GNL3L: variants seen among roughly 807,000 people sequenced by gnomAD.
GNL3L encodes guanine nucleotide-binding protein-like 3-like protein.
In GNL3L, 4 loss-of-function variants were observed where a neutral mutation model predicts 42.9. That is an observed-to-expected ratio of 0.09 (90% CI 0.05 to 0.21). GNL3L has a LOEUF of 0.21. GNL3L is among the 10% of genes least tolerant of loss of function. GNL3L has a pLI of 1.00. For missense variants in GNL3L, 412 were observed against 481.7 expected, an observed-to-expected ratio of 0.86 and a Z score of 1.36; for synonymous variants, 159 against 176.3, an observed-to-expected ratio of 0.90 and a Z score of 0.78.
At chrX:54,577,280 G>A (rs1382688514) in intron 16 of GNL3L, among the ~76,000 whole-genome samples, 1 of 111,732 alleles carries the variant, frequency 8.9e-6, no homozygotes, top group African/African-American at 3.2e-5. Flanking sequence ...ATGTATCACC[G>A]TTTTCTACCC....
rs1158123417 is a variant in GNL3L at position 54,565,370 on chromosome X, A to G, written c.*4768A>G. On this transcript the variant is annotated 3_prime_UTR_variant, in exon 16 of 16. Coordinates refer to ENST00000360845, the MANE Select transcript of GNL3L (RefSeq NM_001184819.2). The stretch of plus-strand genomic sequence containing the variant: ...GTAAGCATATGTTTGACATTTTAAG[A>G]AACTTCTAAACTGTTTTTCAAAGTG... Among the ~76,000 whole-genome samples, 1 of 112,447 alleles carries G rather than the reference A, an allele frequency of 8.9e-6. No individual in the cohort carries two copies. Among genetic ancestry groups the G allele is most frequent in the Admixed American group, 9.5e-5 (1 of 10,557 alleles).
chrX:54,576,376 A>AT (rs1246876514), intron 16 of GNL3L, among the ~76,000 whole-genome samples: 1 of 112,046 alleles, frequency 8.9e-6, no homozygotes, highest in Non-Finnish European at 1.9e-5. Context: ...CTGTCAACCC[A>AT]TTTTTTTATC....
At chrX:54,583,574 T>C (rs1324875813) in intron 16 of GNL3L, among the ~76,000 whole-genome samples, 3 of 111,468 alleles carry the variant, frequency 2.7e-5, no homozygotes, top group Non-Finnish European at 5.6e-5. Flanking sequence ...CATTTTGCCC[T>C]ATTTTTTCTA....
At position 54,579,804 on chromosome X, in the gene GNL3L, A is replaced by G. The variant is rs145895270; in HGVS notation, c.*45+19157A>G. Among the ~76,000 whole-genome samples, 966 of 111,326 alleles carry G rather than the reference A, an allele frequency of 8.7e-3. 7 individuals carry two copies. The highest frequency in any genetic ancestry group is 0.03 in the African/African-American group (934 of 30,654). On this transcript the variant is annotated intron_variant, in intron 16 of 16. Transcript: ENST00000674498. ...TCGATTCTCCTGCCTCAGCCTCCCT[A>G]GTAGCTGAGACTACAGGCATGCGCC...
intron 16 of GNL3L, among the ~76,000 whole-genome samples, chrX:54,620,231 A>G (rs1926270852): frequency 9.0e-6 from 1 of 110,722 alleles, no homozygotes; most frequent in Non-Finnish European, 1.9e-5. Flanking sequence ...CATTCTTTCT[A>G]TTTTTATTTT....
Position 54,534,777 on chromosome X carries a change from C to T in GNL3L, c.19+2192C>T, listed in dbSNP as rs138866273. 6.4e-3 allele frequency among the ~76,000 whole-genome samples: 714 copies of T among 111,213 alleles called. 4 individuals carry two copies. The highest frequency in any genetic ancestry group is 0.01 in the Non-Finnish European group (547 of 52,982). ...GAGTGCTGGGAGGGATGACTGACTG[C>T]ACCCCCTTCTCCTTTTTCCCTCCCC... On this transcript the variant is annotated intron_variant, in intron 2 of 15. Transcript: ENST00000360845.
intron 16 of GNL3L, among the ~76,000 whole-genome samples, chrX:54,579,399 ATTAAT>A (rs1234702764): frequency 8.9e-6 from 1 of 111,783 alleles, no homozygotes; most frequent in Admixed American, 9.6e-5. Context: ...AGGTTTTAAA[ATTAAT>A]TTAGTTTAAG....
In GNL3L at chrX:54,564,067, C is replaced by G. The variant is rs1289268324; in HGVS notation, c.*3465C>G. ...GCCCTTTTGTAGTCAACTCCTACCC[C>G]CGACCCTCAGATTCTGCTAACCACT... On this transcript the variant is annotated 3_prime_UTR_variant, in exon 16 of 16. Coordinates refer to ENST00000360845, the MANE Select transcript of GNL3L (RefSeq NM_001184819.2). Among the ~76,000 whole-genome samples, 2 of 110,066 alleles carry G rather than the reference C, an allele frequency of 1.8e-5. No homozygotes were observed. The highest frequency in any genetic ancestry group is 6.6e-5 in the African/African-American group (2 of 30,173).
At chrX:54,559,391 G>A (rs1420210085) in intron 15 of GNL3L, among the ~76,000 whole-genome samples, 1 of 111,511 alleles carries the variant, frequency 9.0e-6, no homozygotes, top group East Asian at 2.8e-4. Context: ...TCTCCCACCC[G>A]CTAGTCATCC....
chrX:54,572,610 A>T (rs1393486595), intron 16 of GNL3L, among the ~76,000 whole-genome samples: 1 of 107,808 alleles, frequency 9.3e-6, no homozygotes, highest in East Asian at 3.0e-4. Flanking sequence ...CACCTCCCGG[A>T]TGGGGCGGCT....
chrX:54,644,012 C>T, the GNL3L span, among the ~76,000 whole-genome samples: 1 of 112,191 alleles, frequency 8.9e-6, no homozygotes, highest in South Asian at 3.7e-4. Context: ...ATCAATTCAT[C>T]CGTTGATGGA....
In GNL3L at chrX:54,565,504, T is replaced by A. The variant is rs780829073; in HGVS notation, c.*4902T>A. Among the ~76,000 whole-genome samples the A allele has an allele frequency of 5.4e-5, 6 of 111,347 alleles. No homozygotes were observed. The East Asian group carries it at 1.4e-3, about 26-fold the overall frequency. The stretch of plus-strand genomic sequence containing the variant: ...TAATTTTTAAATTTTTTAATTTTTT[T>A]AATACATTTAAATAGAGATGGGGTC... On this transcript the variant is annotated 3_prime_UTR_variant, in exon 16 of 16. Transcript: ENST00000360845.
At chrX:54,642,450 T>C in the GNL3L span, among the ~76,000 whole-genome samples, 2 of 111,858 alleles carry the variant, frequency 1.8e-5, no homozygotes, top group Non-Finnish European at 3.8e-5. Flanking sequence ...GGAATGTAGC[T>C]CCAGCTACAT....
chrX:54,623,893 C>T (rs1395379075), downstream of GNL3L, among the ~76,000 whole-genome samples: 2 of 107,808 alleles, frequency 1.9e-5, no homozygotes, highest in African/African-American at 3.4e-5. Flanking sequence ...TTTATATACT[C>T]TTGTAGCTTT....
In GNL3L at chrX:54,563,581, C is replaced by T. The variant is rs760440039; in HGVS notation, c.*2979C>T. Among the ~76,000 whole-genome samples, 1 of 110,895 alleles carries T rather than the reference C, an allele frequency of 9.0e-6. No homozygotes were observed. Among genetic ancestry groups the T allele is most frequent in the African/African-American group, 3.3e-5 (1 of 30,451 alleles). On this transcript the variant is annotated 3_prime_UTR_variant, in exon 16 of 16. Coordinates refer to ENST00000360845, the MANE Select transcript of GNL3L (RefSeq NM_001184819.2). ...GGCGGATCACTTGAGGTCAGGAGTTCAAGACCAGCCTAAACAATATGGCGA... is the reference window on the plus strand; with the variant it reads ...GGCGGATCACTTGAGGTCAGGAGTTTAAGACCAGCCTAAACAATATGGCGA...
chrX:54,541,440 C>G, intron 5 of GNL3L, 51 bp downstream of exon 5: 1 of 781,622 alleles, frequency 1.3e-6, no homozygotes, highest in Non-Finnish European at 2.0e-6. Context: ...GCATCTTTTG[C>G]CGTTTTTCTG....
rs773613167 is a variant in GNL3L at position 54,567,029 on chromosome X, A to G, written c.*6427A>G. Among the ~76,000 whole-genome samples, 5 of 112,215 alleles carry G rather than the reference A, an allele frequency of 4.5e-5. No individual in the cohort carries two copies. Among genetic ancestry groups the G allele is most frequent in the Non-Finnish European group, 9.4e-5 (5 of 53,266 alleles). ...CATGAGATGACAAAGGTTTTCTCCC[A>G]TGTTTCCTCCTAAAAGTTTTATAGT... On this transcript the variant is annotated 3_prime_UTR_variant, in exon 16 of 16. Transcript: ENST00000360845.
the GNL3L span, among the ~76,000 whole-genome samples, chrX:54,630,968 G>A: frequency 7.5e-5 from 8 of 106,511 alleles, no homozygotes; most frequent in South Asian, 4.2e-4. Context: ...CACCACTCCC[G>A]GCTAATTTTT....
chrX:54,583,776 G>A (rs1057313378), intron 16 of GNL3L, among the ~76,000 whole-genome samples: 4 of 110,466 alleles, frequency 3.6e-5, no homozygotes, highest in South Asian at 3.9e-4. Flanking sequence ...CCAAGTAGCC[G>A]GGACTACAGG....
Sources: allele counts gnomAD v4.1 joint callset (sites outside exome capture counted in the v4.1 genomes callset), GRCh38; gene constraint gnomAD v4.1.1; transcripts MANE v1.5; gene names NCBI Gene and HGNC (gene_info 2026-07-23, HGNC 2026-07-21).